The following ABTB3 variants were observed in gnomAD, a reference collection of about 807,000 sequenced individuals.
ABTB3 encodes ankyrin repeat- and BTB/POZ domain-containing protein 3.
the ABTB3 span, among the ~76,000 whole-genome samples, chr12:107,341,089 C>A: frequency 1.3e-5 from 2 of 152,134 alleles, no homozygotes; most frequent in Non-Finnish European, 2.9e-5. Flanking sequence ...TTGCTGGGAG[C>A]TCTATGAGCA....
At chr12:107,457,718 G>A in the ABTB3 span, among the ~76,000 whole-genome samples, 5 of 152,202 alleles carry the variant, frequency 3.3e-5, no homozygotes, top group Non-Finnish European at 2.9e-5. Context: ...TGGAGGCATG[G>A]CCTCAGCTGC....
chr12:107,496,756 C>G, the ABTB3 span, among the ~76,000 whole-genome samples: 3 of 152,164 alleles, frequency 2.0e-5, no homozygotes, highest in African/African-American at 7.2e-5. Context: ...ATCATCCCCA[C>G]TTTACGGAAG....
chr12:107,559,853 A>T, the ABTB3 span, among the ~76,000 whole-genome samples: 1 of 149,380 alleles, frequency 6.7e-6, no homozygotes, highest in Admixed American at 6.7e-5. Context: ...TATGAATTCA[A>T]TTTTTTTTTT....
the ABTB3 span, among the ~76,000 whole-genome samples, chr12:107,581,481 G>A: frequency 6.6e-6 from 1 of 152,222 alleles, no homozygotes; most frequent in Non-Finnish European, 1.5e-5. Flanking sequence ...CAGGTCCCTG[G>A]AGTTGCAGGG....
chr12:107,493,229 G>C, the ABTB3 span, among the ~76,000 whole-genome samples: 1 of 152,144 alleles, frequency 6.6e-6, no homozygotes. Context: ...GAAAAACCAA[G>C]AGTAGGTAAG....
the ABTB3 span, among the ~76,000 whole-genome samples, chr12:107,644,344 T>C: frequency 1.3e-5 from 2 of 152,188 alleles, no homozygotes; most frequent in Admixed American, 6.5e-5. Context: ...CAATTCCCAA[T>C]GCCCAGGCTA....
chr12:107,469,544 A>T, the ABTB3 span, among the ~76,000 whole-genome samples: 1 of 152,174 alleles, frequency 6.6e-6, no homozygotes, highest in African/African-American at 2.4e-5. Context: ...AGTGCCCGTC[A>T]TGTACGGGGG....
the ABTB3 span, among the ~76,000 whole-genome samples, chr12:107,511,087 GA>G: frequency 6.6e-6 from 1 of 152,154 alleles, no homozygotes; most frequent in African/African-American, 2.4e-5. Flanking sequence ...CTATGCCCAA[GA>G]AACCCCCAGG....
At chr12:107,476,601 C>A in the ABTB3 span, among the ~76,000 whole-genome samples, 37,488 of 151,548 alleles carry the variant, frequency 0.25, 5,090 homozygotes, top group African/African-American at 0.37. Context: ...GACACCTGAC[C>A]CTGCAGGGAA....
the ABTB3 span, among the ~76,000 whole-genome samples, chr12:107,370,757 ATTTTTTTTTTTTTT>A: frequency 9.1e-5 from 8 of 87,466 alleles, no homozygotes; most frequent in Admixed American, 1.4e-4. Context: ...CAAAAAAGGG[ATTTTTTTTTTTTTT>A]TTTTTTTTTT....
At chr12:107,482,143 G>A in the ABTB3 span, among the ~76,000 whole-genome samples, 1 of 152,132 alleles carries the variant, frequency 6.6e-6, no homozygotes, top group South Asian at 2.1e-4. Flanking sequence ...AGAAGGGGGA[G>A]TAGACACTGG....
the ABTB3 span, among the ~76,000 whole-genome samples, chr12:107,536,761 C>T: frequency 3.3e-5 from 5 of 152,060 alleles, no homozygotes; most frequent in African/African-American, 1.2e-4. Flanking sequence ...CAAAGGGAAT[C>T]CTCACACACT....
At chr12:107,612,681 G>A in the ABTB3 span, 1 of 1,161,390 alleles carries the variant, frequency 8.6e-7, no homozygotes, top group South Asian at 1.5e-5. Context: ...GCACAAGCAT[G>A]GCCTCCGAAA....
chr12:107,421,751 G>T, the ABTB3 span, among the ~76,000 whole-genome samples: 4 of 152,202 alleles, frequency 2.6e-5, no homozygotes, highest in African/African-American at 7.2e-5. Context: ...CGGCCTAGAG[G>T]TGAGCTGATC....
chr12:107,359,836 G>T, the ABTB3 span, among the ~76,000 whole-genome samples: 2 of 152,104 alleles, frequency 1.3e-5, no homozygotes, highest in African/African-American at 4.8e-5. Flanking sequence ...CAAAGCTGGG[G>T]ACCTTTCCAC....
chr12:107,330,051 A>G, the ABTB3 span, among the ~76,000 whole-genome samples: 1 of 152,192 alleles, frequency 6.6e-6, no homozygotes, highest in South Asian at 2.1e-4. Context: ...AGGCTGAAGC[A>G]TGGCCAAGTT....
At chr12:107,646,635 G>A in the ABTB3 span, among the ~76,000 whole-genome samples, 21,553 of 152,186 alleles carry the variant, frequency 0.14, 1,650 homozygotes, top group South Asian at 0.21. Flanking sequence ...ATGGTCACAA[G>A]AGCCCAAAGC....
the ABTB3 span, among the ~76,000 whole-genome samples, chr12:107,387,495 C>T: frequency 6.6e-6 from 1 of 152,188 alleles, no homozygotes; most frequent in Non-Finnish European, 1.5e-5. Flanking sequence ...AAGTCTTTGC[C>T]AGCTTGTAGA....
chr12:107,358,161 A>G, the ABTB3 span, among the ~76,000 whole-genome samples: 1 of 152,226 alleles, frequency 6.6e-6, no homozygotes, highest in Non-Finnish European at 1.5e-5. Context: ...AAAGACACAA[A>G]TAAATGCAAT....
Sources: allele counts gnomAD v4.1 joint callset (sites outside exome capture counted in the v4.1 genomes callset), GRCh38; gene constraint gnomAD v4.1.1; transcripts MANE v1.5; gene names NCBI Gene and HGNC (gene_info 2026-07-23, HGNC 2026-07-21).